The following SLC11A2 variants were observed in gnomAD, a reference collection of about 807,000 sequenced individuals.
SLC11A2 encodes natural resistance-associated macrophage protein 2.
Under a neutral mutation model 68.0 loss-of-function variants are expected in SLC11A2, and 38 were observed. The observed-to-expected ratio is 0.56, with a 90% confidence interval of 0.43 to 0.73. The LOEUF is 0.73. SLC11A2 is among the 30% of genes least tolerant of loss of function. The pLI, the probability that SLC11A2 is intolerant of heterozygous loss-of-function variation, is 0.00. For synonymous variants in SLC11A2, 242 were observed against 250.6 expected, an observed-to-expected ratio of 0.97 and a Z score of 0.32; for missense variants, 517 against 690.5, an observed-to-expected ratio of 0.75 and a Z score of 2.82.
intron 3 of SLC11A2, chr12:51,005,849 C>T (rs763735152): frequency 2.1e-4 from 85 of 405,636 alleles, no homozygotes; most frequent in Non-Finnish European, 3.4e-4. Context: ...TTCTAAGCTC[C>T]CCCAACCAAC....
chr12:50,978,829 T>C (rs1939889433), downstream of SLC11A2, among the ~76,000 whole-genome samples: 1 of 152,138 alleles, frequency 6.6e-6, no homozygotes, highest in African/African-American at 2.4e-5. Flanking sequence ...CATGTTGTAA[T>C]GTCTGAAATT....
chr12:51,003,696 G>A (rs942861567), intron 5 of SLC11A2, among the ~76,000 whole-genome samples: 6 of 150,966 alleles, frequency 4.0e-5, no homozygotes, highest in African/African-American at 7.3e-5. Context: ...GAGAAGCTGT[G>A]GTGGGAGGAC....
At chr12:50,977,787 A>G (rs375409955), downstream of SLC11A2, among the ~76,000 whole-genome samples, 60 of 152,366 alleles carry the variant, frequency 3.9e-4, 1 homozygote, top group South Asian at 6.4e-3. Context: ...AAAGAACTCA[A>G]ACAATTTCAC....
In SLC11A2 at chr12:50,986,641, A is replaced by G. The variant is rs191887833; in HGVS notation, c.*1684T>C. 1.1e-4 allele frequency: 147 copies of G among 1,286,860 alleles called. No homozygotes were observed. The highest frequency in any genetic ancestry group is 1.7e-4 in the East Asian group (3 of 18,014). 79.7% of individuals were successfully genotyped at this position (1,286,860 alleles called of 1,614,324 possible). ...TGAGAGCTTAAGATGTCAGTCCCCA[A>G]TATCTTCACAGAGTGCCTTTATGAC... is the stretch of plus-strand genomic sequence containing the variant. On this transcript the variant is annotated 3_prime_UTR_variant, in exon 16 of 16. Coordinates refer to ENST00000262052, the MANE Select transcript of SLC11A2 (RefSeq NM_000617.3).
chr12:50,968,346 C>T, the SLC11A2 span, among the ~76,000 whole-genome samples: 31 of 152,072 alleles, frequency 2.0e-4, no homozygotes, highest in Admixed American at 7.9e-4. Flanking sequence ...TTACTGCCTC[C>T]CAACTTACCG....
the SLC11A2 span, among the ~76,000 whole-genome samples, chr12:50,974,157 C>G: frequency 4.6e-5 from 7 of 151,692 alleles, no homozygotes; most frequent in South Asian, 2.1e-4. Context: ...AGATACTCCT[C>G]GAGAAGAGCA....
chr12:50,978,429 G>A (rs2136114382), downstream of SLC11A2, among the ~76,000 whole-genome samples: 1 of 146,714 alleles, frequency 6.8e-6, no homozygotes, highest in South Asian at 2.2e-4. Flanking sequence ...ACTCATAGGT[G>A]GGAATTGAAC....
chr12:50,972,841 T>TATATCCCGCGCA, the SLC11A2 span, among the ~76,000 whole-genome samples: 1 of 152,192 alleles, frequency 6.6e-6, no homozygotes, highest in Non-Finnish European at 1.5e-5. Flanking sequence ...ACCAGGAGAT[T>TATATCCCGCGCA]ATATCCCGCG....
At chr12:50,997,549 C>T (rs1251935783) in intron 8 of SLC11A2, among the ~76,000 whole-genome samples, 1 of 151,532 alleles carries the variant, frequency 6.6e-6, no homozygotes, top group Non-Finnish European at 1.5e-5. Context: ...AAAATTACCT[C>T]GGTGTGGTGG....
At chr12:51,017,669 G>C (rs1044246923) in intron 1 of SLC11A2, among the ~76,000 whole-genome samples, 1 of 152,184 alleles carries the variant, frequency 6.6e-6, no homozygotes, top group African/African-American at 2.4e-5. Flanking sequence ...ACATTTTAGG[G>C]ATGTTCAGTT....
At chr12:50,981,795 C>T, downstream of SLC11A2, 1 of 1,523,674 alleles carries the variant, frequency 6.6e-7, no homozygotes, top group South Asian at 1.2e-5. Context: ...CTGTCAATCC[C>T]AGATGGCACT....
chr12:50,983,026 T>C (rs944619773), downstream of SLC11A2, among the ~76,000 whole-genome samples: 4 of 152,014 alleles, frequency 2.6e-5, no homozygotes, highest in Non-Finnish European at 5.9e-5. Flanking sequence ...TGTGAAGTTG[T>C]TATTTTTTTT....
upstream of SLC11A2, chr12:51,026,560 C>T (rs368579054): frequency 1.2e-5 from 4 of 337,388 alleles, no homozygotes; most frequent in Non-Finnish European, 1.7e-5. Context: ...CTGGGGCACC[C>T]GGCGGGAGCT....
At chr12:51,014,614 G>A (rs1943482130) in intron 1 of SLC11A2, among the ~76,000 whole-genome samples, 1 of 152,234 alleles carries the variant, frequency 6.6e-6, no homozygotes, top group African/African-American at 2.4e-5. Context: ...CACTTTGGGA[G>A]GCTGAAGTGG....
chr12:51,022,353 C>T (rs1376426380), intron 1 of SLC11A2, among the ~76,000 whole-genome samples: 2 of 148,554 alleles, frequency 1.3e-5, no homozygotes, highest in East Asian at 4.0e-4. Context: ...GGGAGGATTG[C>T]GTGAGCCCAA....
chr12:50,979,891 G>C (rs1293094007), downstream of SLC11A2: 1 of 453,956 alleles, frequency 2.2e-6, no homozygotes, highest in Middle Eastern at 6.8e-4. Context: ...TCACACAAAG[G>C]CTGCAGGATT....
In SLC11A2 at chr12:50,990,135, T is replaced by C. The variant is rs1017166991; in HGVS notation, c.1575+660A>G. Among the ~76,000 whole-genome samples, 4 of 152,126 alleles carry C rather than the reference T, an allele frequency of 2.6e-5. No individual in the cohort carries two copies. The South Asian group carries it at 8.3e-4, about 31-fold the overall frequency. On this transcript the variant is annotated intron_variant, in intron 15 of 15. Transcript: ENST00000262052. ...GAAATATAAATTTTACATACCTTTT[T>C]CATGTAGCTATAGTTTTATAACCAT...
At position 50,986,535 on chromosome 12, in the gene SLC11A2, G is replaced by A. The variant is rs1940573232; in HGVS notation, c.*1790C>T. On this transcript the variant is annotated 3_prime_UTR_variant, in exon 16 of 16. Coordinates refer to ENST00000262052, the MANE Select transcript of SLC11A2 (RefSeq NM_000617.3). ...ACTGACTGGACCCACCCAGACCCAG[G>A]GCAAAGATACATGTTACCATATCAT... is the stretch of plus-strand genomic sequence containing the variant. 7.8e-7 allele frequency: 1 copy of A among 1,286,846 alleles called. No homozygotes were observed. The highest frequency in any genetic ancestry group is 1.0e-6 in the Non-Finnish European group (1 of 988,634). The allele number at this position is 1,286,846 out of a possible 1,614,324, so 79.7% of individuals were successfully genotyped here.
At chr12:51,022,485 T>G (rs895164021) in intron 1 of SLC11A2, among the ~76,000 whole-genome samples, 4 of 151,474 alleles carry the variant, frequency 2.6e-5, no homozygotes, top group Non-Finnish European at 5.9e-5. Flanking sequence ...CTATACCTAC[T>G]TCTTGCCTCA....
Sources: gnomAD v4.1 joint callset for allele counts (sites outside exome capture counted in the v4.1 genomes callset) on GRCh38, gnomAD v4.1.1 for gene constraint, MANE v1.5 for transcripts, NCBI Gene and HGNC (gene_info 2026-07-23, HGNC 2026-07-21) for gene names.